SLC37A2: variants seen among roughly 807,000 people sequenced by gnomAD.
SLC37A2 encodes glucose-6-phosphate exchanger SLC37A2.
Under a neutral mutation model 70.7 loss-of-function variants are expected in SLC37A2, and 59 were observed. The ratio of observed to expected loss-of-function variants is 0.83; its 90% CI spans 0.68 to 1.04. The LOEUF (loss-of-function observed/expected upper bound fraction) is 1.04. SLC37A2 is among the 50% of genes least tolerant of loss of function. SLC37A2 has a pLI of 0.00. For missense variants in SLC37A2, 580 were observed against 658.1 expected (o/e 0.88, Z 1.30); for synonymous variants, 257 against 262.1 (o/e 0.98, Z 0.19).
intron 4 of SLC37A2, 118 bp downstream of exon 4, chr11:125,077,646 C>G: frequency 1.4e-6 from 1 of 712,022 alleles, no homozygotes; most frequent in Non-Finnish European, 2.3e-6. Context: ...TACAATCCAC[C>G]CACAGCCATC....
chr11:125,072,906 C>T (rs965815394), intron 1 of SLC37A2, among the ~76,000 whole-genome samples: 1 of 152,204 alleles, frequency 6.6e-6, no homozygotes, highest in African/African-American at 2.4e-5. Flanking sequence ...CCCTCCATCC[C>T]TCTGGAGGCC....
At chr11:125,072,943 T>C (rs1416074356) in intron 1 of SLC37A2, among the ~76,000 whole-genome samples, 1 of 152,152 alleles carries the variant, frequency 6.6e-6, no homozygotes, top group Non-Finnish European at 1.5e-5. Context: ...AAAAGGCCAG[T>C]GCCAGGCCTA....
intron 1 of SLC37A2, among the ~76,000 whole-genome samples, chr11:125,066,635 G>C (rs1948982899): frequency 1.3e-5 from 2 of 152,068 alleles, no homozygotes; most frequent in Admixed American, 1.3e-4. Flanking sequence ...AAAACAAAAA[G>C]ATGTTAATCC....
chr11:125,083,795 C>T lies in SLC37A2; in HGVS notation c.977-20C>T, dbSNP rs1949175120. The T allele has an allele frequency of 6.2e-7, 1 of 1,612,854 alleles. No homozygotes were observed. Among genetic ancestry groups the T allele is most frequent in the Non-Finnish European group, 8.5e-7 (1 of 1,178,930 alleles). On this transcript the variant is annotated intron_variant, in intron 10 of 17. Coordinates refer to ENST00000403796, the MANE Select transcript of SLC37A2 (RefSeq NM_001145290.2). The surrounding 1 kb of genome is among the most constrained non-coding windows in gnomAD (Gnocchi z 4.6). ...TTGCCCCAAACCCCAGGTCTGACCA[C>T]ATACCTGTATTTTCCACAGCTCACT...
chr11:125,087,315 G>A (rs78868887), intron 17 of SLC37A2: 4,142 of 152,524 alleles, frequency 0.027, 82 homozygotes, highest in East Asian at 0.047. Context: ...GACTGCCACC[G>A]CTGTCCCAGG....
Position 125,085,558 on chromosome 11 carries a change from G to A in SLC37A2, c.1328-19G>A, listed in dbSNP as rs370895248. On this transcript the variant is annotated intron_variant, in intron 15 of 17. Coordinates refer to ENST00000403796, the MANE Select transcript of SLC37A2 (RefSeq NM_001145290.2). The stretch of plus-strand genomic sequence containing the variant: ...GGGGAGGTGCAGGACCCCTGCTCAC[G>A]AGGCTGTGCTCCATTCAGGTGCGGC... 6.3e-5 allele frequency: 101 copies of A among 1,613,694 alleles called. No homozygotes were observed. The highest frequency in any genetic ancestry group is 8.8e-5 in the South Asian group (8 of 91,078).
chr11:125,075,002 G>A (rs757297976), intron 1 of SLC37A2, among the ~76,000 whole-genome samples: 4 of 152,196 alleles, frequency 2.6e-5, no homozygotes, highest in Non-Finnish European at 4.4e-5. Context: ...GTCATGCTGT[G>A]TTCTCTTATC....
rs1052745702 is a variant in SLC37A2, at chr11:125,063,782, G to A, written c.59+356G>A. 3.3e-5 allele frequency among the ~76,000 whole-genome samples: 5 copies of A among 152,234 alleles called. No homozygotes were observed. Among genetic ancestry groups the A allele is most frequent in the African/African-American group, 1.2e-4 (5 of 41,472 alleles). On this transcript the variant is annotated intron_variant, in intron 1 of 17. Coordinates refer to ENST00000403796, the MANE Select transcript of SLC37A2 (RefSeq NM_001145290.2). The surrounding 1 kb of genome is among the most constrained non-coding windows in gnomAD (Gnocchi z 5.4). ...TGTCGTTGGGCAGCTGGGGAACCTG[G>A]GCTCGAAGGCTGGGGAACCGAGGCC...
chr11:125,073,260 C>G (rs1256584191), intron 1 of SLC37A2, among the ~76,000 whole-genome samples: 2 of 152,182 alleles, frequency 1.3e-5, no homozygotes, highest in Non-Finnish European at 2.9e-5. Context: ...CGTAGGCTCC[C>G]CAAGAAGCCA....
Position 125,081,476 on chromosome 11 carries a change from C to A in SLC37A2, c.732+18C>A. 6.2e-7 allele frequency: 1 copy of A among 1,605,272 alleles called. No individual in the cohort carries two copies. Among genetic ancestry groups the A allele is most frequent in the Non-Finnish European group, 8.5e-7 (1 of 1,174,842 alleles). ...AGCACCACGTGAGTGTGAGCCCTCC[C>A]AGCCCTATCCCTGCCCTCCAACTCC... On this transcript the variant is annotated intron_variant, in intron 8 of 17. Transcript: ENST00000403796.
In SLC37A2 at chr11:125,079,229, G is replaced by A. The variant is rs773643894; in HGVS notation, c.432G>A (p.Trp144Ter). The A allele has an allele frequency of 6.2e-7, 1 of 1,614,152 alleles. No homozygotes were observed. The highest frequency in any genetic ancestry group is 8.5e-7 in the Non-Finnish European group (1 of 1,180,016). Residue 144 changes from tryptophan to a stop codon, truncating the protein, a stop_gained, in exon 5 of 18, where the codon TGG becomes TGA. Coordinates refer to ENST00000403796, the MANE Select transcript of SLC37A2 (RefSeq NM_001145290.2). LOFTEE classifies it high-confidence loss of function. ...ATTTCTGGAACATCCACGAGCTCTG[G>A]TACTTTGTGGTCATCCAGGTATGAA... is the stretch of plus-strand genomic sequence containing the variant. ...LGYFWNIHEL[W>*]YFVVIQVCNG...
rs562097481 is a variant in SLC37A2, at chr11:125,071,750, T to G, written c.60-5007T>G. Among the ~76,000 whole-genome samples the G allele has an allele frequency of 3.3e-5, 5 of 151,534 alleles. No individual in the cohort carries two copies. In the East Asian group the frequency reaches 9.7e-4, roughly 29 times the overall value. On this transcript the variant is annotated intron_variant, in intron 1 of 17. Coordinates refer to ENST00000403796, the MANE Select transcript of SLC37A2 (RefSeq NM_001145290.2). Reference sequence around the variant, plus strand: ...CCAAAGAGGGTCTTGTCCTGTCTTGTGTGCTAAAGACCTGGCTCAGGGCTC... The same window carrying G: ...CCAAAGAGGGTCTTGTCCTGTCTTGGGTGCTAAAGACCTGGCTCAGGGCTC...
At chr11:125,085,501 CG>C (rs1180356097) in intron 15 of SLC37A2, 28 bp downstream of exon 15, 4 of 1,613,538 alleles carry the variant, frequency 2.5e-6, no homozygotes, top group Non-Finnish European at 3.4e-6. Flanking sequence ...TGTTGTGGGC[CG>C]GCCCCTAGGC....
intron 1 of SLC37A2, among the ~76,000 whole-genome samples, chr11:125,069,854 C>T (rs1949013662): frequency 6.6e-6 from 1 of 152,254 alleles, no homozygotes; most frequent in Non-Finnish European, 1.5e-5. Context: ...AGGCCTTCCT[C>T]GTCAGGATGA....
At chr11:125,081,980 G>A (rs1475167775) in intron 9 of SLC37A2, 74 bp downstream of exon 9, 51 of 1,488,604 alleles carry the variant, frequency 3.4e-5, no homozygotes, top group Non-Finnish European at 4.4e-5. Flanking sequence ...GAGATGGGGT[G>A]CTTGGGTGAT....
rs533126391 is a variant in SLC37A2, at chr11:125,089,438, C to T, written c.*1304C>T. On this transcript the variant is annotated 3_prime_UTR_variant, in exon 18 of 18. Coordinates refer to ENST00000403796, the MANE Select transcript of SLC37A2 (RefSeq NM_001145290.2). The stretch of plus-strand genomic sequence containing the variant: ...AGCCCACCGCTGCACTGTGGGGAGC[C>T]CCTTTCTGGGCTGGCCAAGGCCAGA... The T allele has an allele frequency of 1.3e-5, 2 of 154,120 alleles. No individual in the cohort carries two copies. Among genetic ancestry groups the T allele is most frequent in the East Asian group, 3.8e-4 (2 of 5,226 alleles). 9.5% of individuals were successfully genotyped at this position (154,120 alleles called of 1,614,324 possible).
In SLC37A2 at chr11:125,085,650, C is replaced by T. The variant is rs764155938; in HGVS notation, c.1401C>T (p.Ile467=). The T allele has an allele frequency of 6.2e-7, 1 of 1,613,416 alleles. No individual in the cohort carries two copies. The highest frequency in any genetic ancestry group is 1.3e-5 in the African/African-American group (1 of 74,914). The change falls in exon 16 of 18, where the codon ATC becomes ATT. Residue 467 remains isoleucine (I), a synonymous_variant. Transcript: ENST00000403796. ...TGWNNVFYML[I]SADVLACLLL... ...GGAACAATGTCTTCTACATGCTCATCTCTGCCGACGTCCTAGCCTGCTTGG... is the reference window on the plus strand; with the variant it reads ...GGAACAATGTCTTCTACATGCTCATTTCTGCCGACGTCCTAGCCTGCTTGG...
intron 1 of SLC37A2, among the ~76,000 whole-genome samples, chr11:125,071,060 C>G (rs1698505332): frequency 1.3e-5 from 2 of 152,204 alleles, no homozygotes; most frequent in African/African-American, 4.8e-5. Context: ...GAATTGAGGA[C>G]AGACACCAGA....
intron 4 of SLC37A2, among the ~76,000 whole-genome samples, chr11:125,078,218 C>T (rs561685629): frequency 2.4e-4 from 36 of 152,152 alleles, no homozygotes; most frequent in Non-Finnish European, 3.1e-4. Context: ...CGGGAGGAAC[C>T]GCGGGCAGGT....
Sources: gnomAD v4.1 joint callset for allele counts (sites outside exome capture counted in the v4.1 genomes callset) on GRCh38, gnomAD v4.1.1 for gene constraint, Gnocchi (gnomAD v3.1) non-coding constraint, MANE v1.5 for transcripts, NCBI Gene and HGNC (gene_info 2026-07-23, HGNC 2026-07-21) for gene names.